The following PPARGC1B variants were observed in gnomAD, a reference collection of about 807,000 sequenced individuals.
PPARGC1B encodes the protein PPARG coactivator 1 beta, also known as peroxisome proliferator-activated receptor gamma coactivator 1-beta.
A neutral mutation model predicts 101.6 loss-of-function variants in PPARGC1B; 34 were observed. The ratio of observed to expected loss-of-function variants is 0.33; its 90% CI spans 0.25 to 0.45. PPARGC1B has a LOEUF of 0.45. Ranked by LOEUF, PPARGC1B falls within the 20% of genes least tolerant of loss-of-function variation. PPARGC1B has a pLI of 1.00. For synonymous variants in PPARGC1B, 548 were observed against 539.3 expected (o/e 1.02, Z -0.22); for missense variants, 1,234 against 1,317.6 (o/e 0.94, Z 0.98).
At chr5:149,754,742 T>G (rs1755441280) in intron 1 of PPARGC1B, among the ~76,000 whole-genome samples, 1 of 149,394 alleles carries the variant, frequency 6.7e-6, no homozygotes, top group Non-Finnish European at 1.5e-5. Context: ...AGGAGCCATG[T>G]GGCAACCTGC....
rs187258941 is a variant in PPARGC1B at position 149,748,743 on chromosome 5, G to A, written c.78+18323G>A. ...TGAGCAATGAGTGGCTAGGTGAGAG[G>A]CTTGAGGGGAGGCTCTGAGCTGACT... is the stretch of plus-strand genomic sequence containing the variant. On this transcript the variant is annotated intron_variant, in intron 1 of 11. Coordinates refer to ENST00000309241, the MANE Select transcript of PPARGC1B (RefSeq NM_133263.4). Among the ~76,000 whole-genome samples the A allele has an allele frequency of 1.2e-4, 18 of 152,332 alleles. No individual in the cohort carries two copies. In the East Asian group the frequency reaches 2.7e-3, roughly 23 times the overall value.
chr5:149,818,910 C>G, intron 1 of PPARGC1B: 3 of 456,434 alleles, frequency 6.6e-6, no homozygotes, highest in South Asian at 4.7e-5. Flanking sequence ...AAGTCCACAA[C>G]TGGTGAATGG....
chr5:149,744,856 T>C lies in PPARGC1B; in HGVS notation c.78+14436T>C, dbSNP rs377142056. On this transcript the variant is annotated intron_variant, in intron 1 of 11. Transcript: ENST00000309241. ...AAGAAACAGTGGCACTTGCGCTTAG[T>C]GATTCATAAGAGCTTGGGCTTTAGA... Among the ~76,000 whole-genome samples, 109 of 151,874 alleles carry C rather than the reference T, an allele frequency of 7.2e-4. 3 individuals carry two copies. In the South Asian group the frequency reaches 0.021, roughly 30 times the overall value.
At position 149,826,897 on chromosome 5, in the gene PPARGC1B, C is replaced by T; in HGVS notation, c.465+12C>T. 1.3e-6 allele frequency: 2 copies of T among 1,590,426 alleles called. No homozygotes were observed. The highest frequency in any genetic ancestry group is 1.7e-6 in the Non-Finnish European group (2 of 1,162,750). On this transcript the variant is annotated intron_variant, in intron 3 of 11. Transcript: ENST00000309241. ...ACGAGCTCTCACTGGTAAGAACCTA[C>T]TTACAGCAGAAGTGATGGTTGCAGC...
In PPARGC1B at chr5:149,835,281, G is replaced by T. The variant is rs762987968; in HGVS notation, c.1743-20G>T. 5 of 1,613,560 alleles carry T rather than the reference G, an allele frequency of 3.1e-6. No individual in the cohort carries two copies. In the East Asian group the frequency reaches 1.1e-4, roughly 36 times the overall value. ...CTGCTGACTTGCTTCTTTCCTTTCT[G>T]TCCTCCCTGCCTCCACCAGCGACCC... On this transcript the variant is annotated intron_variant, in intron 6 of 11. Coordinates refer to ENST00000309241, the MANE Select transcript of PPARGC1B (RefSeq NM_133263.4).
At chr5:149,790,099 A>G (rs1234738165) in intron 1 of PPARGC1B, among the ~76,000 whole-genome samples, 2 of 152,182 alleles carry the variant, frequency 1.3e-5, no homozygotes, top group African/African-American at 4.8e-5. Flanking sequence ...AATAGAGATG[A>G]TAATCCTGCC....
intron 1 of PPARGC1B, among the ~76,000 whole-genome samples, chr5:149,771,163 G>A (rs1047216404): frequency 9.2e-5 from 14 of 152,166 alleles, no homozygotes; most frequent in Non-Finnish European, 1.6e-4. Context: ...GCATGCAGGC[G>A]GATGCTGCAC....
intron 1 of PPARGC1B, among the ~76,000 whole-genome samples, chr5:149,809,064 C>T (rs1293657866): frequency 7.9e-5 from 12 of 151,762 alleles, no homozygotes; most frequent in Middle Eastern, 3.2e-3. Flanking sequence ...CTGCTTGAGC[C>T]CAGGAGTTTG....
intron 1 of PPARGC1B, among the ~76,000 whole-genome samples, chr5:149,747,362 G>A (rs1332892104): frequency 6.6e-6 from 1 of 152,226 alleles, no homozygotes. Flanking sequence ...TCCTTAAGCT[G>A]TACAGGCTGC....
At chr5:149,808,388 T>C (rs952324278) in intron 1 of PPARGC1B, among the ~76,000 whole-genome samples, 15 of 152,074 alleles carry the variant, frequency 9.9e-5, no homozygotes, top group African/African-American at 1.4e-4. Context: ...AGAGAGCAGC[T>C]GAGGATGGCA....
chr5:149,788,334 A>G (rs1050117248), intron 1 of PPARGC1B, among the ~76,000 whole-genome samples: 2 of 152,266 alleles, frequency 1.3e-5, no homozygotes, highest in African/African-American at 2.4e-5. Context: ...AATGCTCATC[A>G]TAACTGGCCA....
In PPARGC1B at chr5:149,837,038, C is replaced by T; in HGVS notation, c.2583C>T (p.Cys861=). The T allele has an allele frequency of 2.5e-6, 4 of 1,613,550 alleles. No homozygotes were observed. Among genetic ancestry groups the T allele is most frequent in the Non-Finnish European group, 3.4e-6 (4 of 1,179,914 alleles). Residue 861 remains cysteine (C), a synonymous_variant, in exon 8 of 12, where the codon TGC becomes TGT. Coordinates refer to ENST00000309241, the MANE Select transcript of PPARGC1B (RefSeq NM_133263.4). The surrounding 1 kb of genome is among the most constrained non-coding windows in gnomAD (Gnocchi z 4.2). ...RSRSSSGSSP[C]HSWSPATRRN... The stretch of plus-strand genomic sequence containing the variant: ...GCTCAAGCTCTGGCTCTTCACCCTG[C>T]CACTCCTGGTCACCAGCCACTCGAA...
intron 1 of PPARGC1B, among the ~76,000 whole-genome samples, chr5:149,796,174 G>A (rs1002001021): frequency 2.6e-4 from 39 of 152,154 alleles, no homozygotes; most frequent in African/African-American, 9.2e-4. Context: ...AGAGTGTGAC[G>A]GAGTAGGGAG....
intron 2 of PPARGC1B, among the ~76,000 whole-genome samples, chr5:149,821,470 T>A (rs903232168): frequency 6.6e-6 from 1 of 152,136 alleles, no homozygotes; most frequent in African/African-American, 2.4e-5. Context: ...ATCGATGAAA[T>A]TGGATTGGCC....
Position 149,850,840 on chromosome 5 carries a change from TC to T in PPARGC1B, c.*3284del, listed in dbSNP as rs1250049941. 2 of 152,070 alleles carry T rather than the reference TC, an allele frequency of 1.3e-5. No individual in the cohort carries two copies. The highest frequency in any genetic ancestry group is 4.8e-5 in the African/African-American group (2 of 41,376). The allele number at this position is 152,070 out of a possible 1,614,324, so 9.4% of individuals were successfully genotyped here. ...TGATCCAACCACTAAGTGGAATTCT[TC>T]CATCTCCTTCCTCAGTCTGTACAAG... On this transcript the variant is annotated 3_prime_UTR_variant, in exon 12 of 12. Coordinates refer to ENST00000309241, the MANE Select transcript of PPARGC1B (RefSeq NM_133263.4).
intron 1 of PPARGC1B, among the ~76,000 whole-genome samples, chr5:149,783,296 G>A (rs746640619): frequency 1.3e-5 from 2 of 152,158 alleles, no homozygotes; most frequent in East Asian, 1.9e-4. Flanking sequence ...TTTTCATAAA[G>A]AGAGTAGCAT....
chr5:149,784,957 C>G (rs998515038), intron 1 of PPARGC1B, among the ~76,000 whole-genome samples: 1 of 152,208 alleles, frequency 6.6e-6, no homozygotes, highest in Non-Finnish European at 1.5e-5. Flanking sequence ...ATGGTAGGGA[C>G]TCTCTTTATC....
chr5:149,738,887 G>A (rs772843801), intron 1 of PPARGC1B, among the ~76,000 whole-genome samples: 1 of 152,178 alleles, frequency 6.6e-6, no homozygotes, highest in East Asian at 1.9e-4. Context: ...GAACCACCGC[G>A]TCCAGCCTCT....
chr5:149,750,476 A>ATATATATATATATATATG (rs1329559486), intron 1 of PPARGC1B, among the ~76,000 whole-genome samples: 3 of 118,192 alleles, frequency 2.5e-5, no homozygotes, highest in African/African-American at 7.5e-5. Context: ...ATATATATAT[A>ATATATATATATATATATG]TATATATATA....
Sources: allele counts gnomAD v4.1 joint callset (sites outside exome capture counted in the v4.1 genomes callset), GRCh38; gene constraint gnomAD v4.1.1; non-coding constraint Gnocchi (gnomAD v3.1); transcripts MANE v1.5; gene names NCBI Gene and HGNC (gene_info 2026-07-23, HGNC 2026-07-21).